ABAT: variants seen among roughly 807,000 people sequenced by gnomAD.
The protein encoded by ABAT is 4-aminobutyrate aminotransferase.
A neutral mutation model predicts 64.6 loss-of-function variants in ABAT; 45 were observed. The observed-to-expected ratio is 0.70, with a 90% CI of 0.55 to 0.89. The LOEUF is 0.89. ABAT is among the 40% of genes least tolerant of loss of function. ABAT has a pLI of 0.00. For synonymous variants in ABAT, 297 were observed against 250.5 expected (o/e 1.19, Z -1.75); for missense variants, 633 against 658.4 (o/e 0.96, Z 0.42).
intron 2 of ABAT, chr16:8,736,199 AC>A (rs2142402190): frequency 4.7e-6 from 1 of 212,748 alleles, no homozygotes; most frequent in South Asian, 7.5e-5. Context: ...GGAAAGACCC[AC>A]CCCCATGATT....
In ABAT at chr16:8,776,281, G is replaced by A; in HGVS notation, c.1123-63G>A. The A allele has an allele frequency of 1.2e-6, 2 of 1,612,124 alleles. No homozygotes were observed. The highest frequency in any genetic ancestry group is 1.1e-5 in the South Asian group (1 of 91,020). ...CAAGAGAGGAGGCGGGGCGCCTGGG[G>A]TAAGTGACTCCTGCAGGGTGTGCAT... On this transcript the variant is annotated intron_variant, in intron 13 of 15. Transcript: ENST00000268251. This position sits in a 1 kb window ranked among gnomAD's most constrained non-coding sequence, Gnocchi z 4.4.
rs12930556 is a variant in ABAT, at chr16:8,776,761, T to C, written c.1269+271T>C. 0.4 allele frequency among the ~76,000 whole-genome samples: 61,384 copies of C among 151,970 alleles called. 13,226 individuals are homozygous for C. Among genetic ancestry groups the C allele is most frequent in the East Asian group, 0.58 (2,991 of 5,162 alleles). The stretch of plus-strand genomic sequence containing the variant: ...TAATTTATTTTTTATTTTTTTAATA[T>C]TGAGACATGGTCAAGCTCTGTTAGC... On this transcript the variant is annotated intron_variant, in intron 14 of 15. Transcript: ENST00000268251. The surrounding 1 kb of genome is among the most constrained non-coding windows in gnomAD (Gnocchi z 4.4).
intron 2 of ABAT, among the ~76,000 whole-genome samples, chr16:8,740,892 A>T (rs1434915025): frequency 6.6e-6 from 1 of 152,374 alleles, no homozygotes; most frequent in South Asian, 2.1e-4. Flanking sequence ...AGATAAAAAA[A>T]ATTTTTTAAC....
intron 11 of ABAT, among the ~76,000 whole-genome samples, chr16:8,771,588 C>T (rs913603721): frequency 2.6e-5 from 4 of 151,880 alleles, no homozygotes; most frequent in African/African-American, 4.8e-5. Context: ...CGTGCCTCAG[C>T]CACTGGAGTA....
At chr16:8,728,822 C>T (rs893961729) in intron 1 of ABAT, among the ~76,000 whole-genome samples, 2 of 152,020 alleles carry the variant, frequency 1.3e-5, no homozygotes, top group African/African-American at 4.8e-5. Context: ...TGCAGTGAGC[C>T]GAGATCACGC....
chr16:8,719,231 C>A (rs2058296749), intron 1 of ABAT, among the ~76,000 whole-genome samples: 1 of 152,182 alleles, frequency 6.6e-6, no homozygotes, highest in African/African-American at 2.4e-5. Context: ...ACAAGCCGGA[C>A]CTTCTGTGGC....
intron 1 of ABAT, chr16:8,713,715 G>A (rs1168172895): frequency 2.9e-5 from 10 of 350,066 alleles, no homozygotes; most frequent in East Asian, 7.8e-5. Context: ...CTGGAAATCC[G>A]GGACACCCTC....
At chr16:8,771,138 A>G (rs1427834475) in intron 11 of ABAT, among the ~76,000 whole-genome samples, 1 of 152,090 alleles carries the variant, frequency 6.6e-6, no homozygotes, top group Non-Finnish European at 1.5e-5. Flanking sequence ...TCTACTAAAA[A>G]TACAAAATTA....
At position 8,723,344 on chromosome 16, in the gene ABAT, C is replaced by G. The variant is rs376095829; in HGVS notation, c.-41-12355C>G. Among the ~76,000 whole-genome samples, 16 of 152,308 alleles carry G rather than the reference C, an allele frequency of 1.1e-4. No homozygotes were observed. In the South Asian group the frequency reaches 1.2e-3, roughly 12 times the overall value. ...AGCATGTTGGAGACTTGTGCACCAG[C>G]AGGGATATACTGGAACCCTGGGCAC... On this transcript the variant is annotated intron_variant, in intron 1 of 15. Coordinates refer to ENST00000268251, the MANE Select transcript of ABAT (RefSeq NM_020686.6).
intron 1 of ABAT, among the ~76,000 whole-genome samples, chr16:8,725,745 T>G (rs1283418755): frequency 1.3e-5 from 2 of 152,240 alleles, no homozygotes; most frequent in African/African-American, 4.8e-5. Context: ...TGCACCAACC[T>G]AGTACTTAGG....
At chr16:8,718,326 A>G (rs916954227) in intron 1 of ABAT, among the ~76,000 whole-genome samples, 4 of 152,228 alleles carry the variant, frequency 2.6e-5, no homozygotes, top group African/African-American at 9.6e-5. Context: ...CAGATATAAA[A>G]TACAATACAT....
intron 12 of ABAT, among the ~76,000 whole-genome samples, 188 bp downstream of exon 12, chr16:8,773,105 T>TACACACACACACACACACACACACAC (rs35248639): frequency 9.2e-6 from 1 of 109,028 alleles, no homozygotes; most frequent in East Asian, 3.1e-4. Context: ...CCTAAAACTA[T>TACACACACACACACACACACACACAC]ACACACACAC....
intron 1 of ABAT, among the ~76,000 whole-genome samples, chr16:8,702,187 T>A (rs986006257): frequency 6.6e-6 from 1 of 151,506 alleles, no homozygotes; most frequent in Admixed American, 6.6e-5. Flanking sequence ...CTTACAATCA[T>A]GGCAGGAGGT....
chr16:8,698,022 C>T (rs950141756), intron 1 of ABAT, among the ~76,000 whole-genome samples: 1 of 152,208 alleles, frequency 6.6e-6, no homozygotes, highest in African/African-American at 2.4e-5. Flanking sequence ...TAAAAATATT[C>T]ATTGAGATCA....
chr16:8,720,813 A>T (rs1230239043), intron 1 of ABAT: 1 of 152,284 alleles, frequency 6.6e-6, no homozygotes, highest in Non-Finnish European at 1.5e-5. Flanking sequence ...CTTGGTCCCA[A>T]CGGCTGATAG....
chr16:8,779,454 C>T, intron 14 of ABAT, 25 bp from the exon 15 acceptor site: 1 of 1,602,436 alleles, frequency 6.2e-7, no homozygotes. Flanking sequence ...GGCTTTGACG[C>T]CAGCCTTGTC....
intron 6 of ABAT, 143 bp downstream of exon 6, chr16:8,757,949 G>C: frequency 2.0e-6 from 2 of 987,814 alleles, no homozygotes; most frequent in Non-Finnish European, 3.2e-6. Flanking sequence ...TGCCAGGTAT[G>C]TGGCATGCCT....
intron 1 of ABAT, among the ~76,000 whole-genome samples, chr16:8,727,302 G>C (rs995123343): frequency 9.9e-5 from 15 of 152,060 alleles, no homozygotes; most frequent in African/African-American, 3.6e-4. Flanking sequence ...CCAGATGACC[G>C]CACCTTCACC....
In ABAT at chr16:8,771,885, C is replaced by T. The variant is rs2060120436; in HGVS notation, c.817-895C>T. Among the ~76,000 whole-genome samples the T allele has an allele frequency of 2.0e-5, 3 of 152,288 alleles. No individual in the cohort carries two copies. The South Asian group carries it at 6.2e-4, about 32-fold the overall frequency. ...GTTCAAGGGGTCCTCCCACCTCAGC[C>T]TCTCAAGTAGCTGAGACTACAGGCA... is the stretch of plus-strand genomic sequence containing the variant. On this transcript the variant is annotated intron_variant, in intron 11 of 15. Transcript: ENST00000268251.
Sources: gnomAD v4.1 joint callset for allele counts (sites outside exome capture counted in the v4.1 genomes callset) on GRCh38, gnomAD v4.1.1 for gene constraint, Gnocchi (gnomAD v3.1) non-coding constraint, MANE v1.5 for transcripts, NCBI Gene and HGNC (gene_info 2026-07-23, HGNC 2026-07-21) for gene names.